Variants in ZNF831 observed in about 807,000 individuals in gnomAD.
The protein encoded by ZNF831 is zinc finger protein 831.
In ZNF831, 59 loss-of-function variants were observed where a neutral mutation model predicts 95.8. The ratio of observed to expected loss-of-function variants is 0.62; its 90% CI spans 0.50 to 0.77. The LOEUF is 0.77. Ranked by LOEUF, ZNF831 falls within the 30% of genes least tolerant of loss-of-function variation. ZNF831 has a pLI of 0.00. For synonymous variants in ZNF831, 961 were observed against 925.5 expected (o/e 1.04, Z -0.70); for missense variants, 2,205 against 2,164.0 (o/e 1.02, Z -0.38).
At chr20:59,235,272 G>A (rs1424639107) in intron 4 of ZNF831, among the ~76,000 whole-genome samples, 2 of 152,106 alleles carry the variant, frequency 1.3e-5, no homozygotes, top group African/African-American at 4.8e-5. Context: ...TGCTGACCTC[G>A]AGCACCCGGC....
intron 4 of ZNF831, among the ~76,000 whole-genome samples, chr20:59,241,102 C>A (rs1987308427): frequency 6.6e-6 from 1 of 152,138 alleles, no homozygotes; most frequent in Non-Finnish European, 1.5e-5. Flanking sequence ...GGTGTGAGGA[C>A]AAAGGAGAGA....
chr20:59,154,645 A>T (rs1980430150), intron 2 of ZNF831, among the ~76,000 whole-genome samples: 1 of 152,080 alleles, frequency 6.6e-6, no homozygotes, highest in Admixed American at 6.5e-5. Flanking sequence ...GCTCTATGTC[A>T]TCTGTCCCCG....
In ZNF831 at chr20:59,192,184, G is replaced by A. The variant is rs992393984; in HGVS notation, c.1165G>A (p.Glu389Lys). Reference sequence around the variant, plus strand: ...CCCGGGGCCAGGGGTCGCAGGGGCCGAGCCCGGGGCGCGAGAAGCCGGCCT... The same window carrying A: ...CCCGGGGCCAGGGGTCGCAGGGGCCAAGCCCGGGGCGCGAGAAGCCGGCCT... ...PGPGPGVAGA[E>K]PGAREAGLEL... The change falls in exon 2 of 6, where the codon GAG becomes AAG. Residue 389 changes from glutamate to lysine, a missense_variant. Physicochemically the swap from Glu to Lys is moderately conservative, Grantham distance 56. Coordinates refer to ENST00000371030, the MANE Select transcript of ZNF831 (RefSeq NM_178457.3). The surrounding 1 kb of genome is among the most constrained non-coding windows in gnomAD (Gnocchi z 5.2). The A allele has an allele frequency of 3.8e-6, 6 of 1,569,642 alleles. No individual in the cohort carries two copies. The highest frequency in any genetic ancestry group is 3.4e-6 in the Non-Finnish European group (4 of 1,160,346).
chr20:59,171,970 GAAGGCATAAAGA>G (rs1391965197), intron 1 of ZNF831, among the ~76,000 whole-genome samples: 2 of 152,306 alleles, frequency 1.3e-5, no homozygotes, highest in African/African-American at 4.8e-5. Context: ...GTCCCTTTGA[GAAGGCATAAAGA>G]AAGATTTACA....
intron 4 of ZNF831, among the ~76,000 whole-genome samples, chr20:59,232,916 A>G (rs1470616049): frequency 1.3e-5 from 2 of 151,598 alleles, no homozygotes; most frequent in African/African-American, 4.8e-5. Flanking sequence ...TGCTTGTAGT[A>G]TCAACTCATT....
At chr20:59,161,683 C>A (rs1467529537), upstream of ZNF831, among the ~76,000 whole-genome samples, 1 of 152,166 alleles carries the variant, frequency 6.6e-6, no homozygotes, top group Non-Finnish European at 1.5e-5. Flanking sequence ...CAGGTTGATT[C>A]CATGCCTTTG....
At chr20:59,201,847 A>T (rs1292340213) in intron 3 of ZNF831, among the ~76,000 whole-genome samples, 1 of 152,246 alleles carries the variant, frequency 6.6e-6, no homozygotes, top group African/African-American at 2.4e-5. Flanking sequence ...ACAAAGATCA[A>T]TGGAGCAAAA....
At chr20:59,138,816 T>C (rs1979588868) in intron 1 of ZNF831, among the ~76,000 whole-genome samples, 1 of 152,230 alleles carries the variant, frequency 6.6e-6, no homozygotes, top group African/African-American at 2.4e-5. Flanking sequence ...TTTATTGTTT[T>C]AGGCCACTGG....
intron 3 of ZNF831, among the ~76,000 whole-genome samples, chr20:59,203,491 T>C (rs1984673445): frequency 6.6e-6 from 1 of 152,196 alleles, no homozygotes; most frequent in Non-Finnish European, 1.5e-5. Flanking sequence ...TTGGTTTTTA[T>C]ATTTTTAAAA....
intron 4 of ZNF831, among the ~76,000 whole-genome samples, chr20:59,220,122 G>A (rs181468449): frequency 6.6e-6 from 1 of 152,258 alleles, no homozygotes; most frequent in Admixed American, 6.5e-5. Context: ...TATTTGAGTT[G>A]GAAGACCCCC....
intron 1 of ZNF831, among the ~76,000 whole-genome samples, chr20:59,166,700 T>C (rs1981298872): frequency 6.6e-6 from 1 of 152,236 alleles, no homozygotes; most frequent in East Asian, 1.9e-4. Context: ...CTTTGGGGAC[T>C]GACTTTTTTC....
Position 59,169,206 on chromosome 20 carries a change from C to G in ZNF831, c.-37+4999C>G, listed in dbSNP as rs1981532828. On this transcript the variant is annotated intron_variant, in intron 1 of 5. Transcript: ENST00000371030. This position sits in a 1 kb window ranked among gnomAD's most constrained non-coding sequence, Gnocchi z 4.1. ...GCAGGGAGCTTCAAAATTGCAAATT[C>G]AATCTGATAAATAGTTATAGTGTGA... Among the ~76,000 whole-genome samples, 1 of 152,192 alleles carries G rather than the reference C, an allele frequency of 6.6e-6. No individual in the cohort carries two copies. The highest frequency in any genetic ancestry group is 2.4e-5 in the African/African-American group (1 of 41,446).
In ZNF831 at chr20:59,148,679, C is replaced by CAAAAAAAAAAAAA. The variant is rs35635821; in HGVS notation, c.-1281+2338_-1281+2350dup. Among the ~76,000 whole-genome samples the CAAAAAAAAAAAAA allele has an allele frequency of 8.6e-4, 14 of 16,210 alleles. 3 individuals carry two copies. Among genetic ancestry groups the CAAAAAAAAAAAAA allele is most frequent in the South Asian group, 3.1e-3 (1 of 322 alleles). 10.6% of individuals were successfully genotyped at this position (16,210 alleles called of 152,430 possible). On this transcript the variant is annotated intron_variant, in intron 2 of 7. Transcript: ENST00000637017. ...TGGGCGACAGAGCGAAACTCCGTCT[C>CAAAAAAAAAAAAA]AAAAAAAAAAAAAAAAAAAAAAAAA...
intron 4 of ZNF831, among the ~76,000 whole-genome samples, chr20:59,239,373 G>A (rs1371749112): frequency 2.0e-5 from 3 of 152,064 alleles, no homozygotes; most frequent in African/African-American, 7.2e-5. Context: ...TTTAAGCTGT[G>A]TATTCTTTTG....
intron 4 of ZNF831, among the ~76,000 whole-genome samples, chr20:59,231,923 T>C (rs568501728): frequency 4.2e-4 from 64 of 152,312 alleles, no homozygotes; most frequent in African/African-American, 1.4e-3. Context: ...AAAAACACCT[T>C]GCTGTGATTT....
intron 1 of ZNF831, among the ~76,000 whole-genome samples, chr20:59,182,438 G>T (rs961252784): frequency 1.2e-4 from 19 of 152,168 alleles, no homozygotes; most frequent in Non-Finnish European, 2.6e-4. Flanking sequence ...AACTTGCTGA[G>T]CTTCACAGGG....
chr20:59,195,069 A>G (rs1983983194), intron 2 of ZNF831, among the ~76,000 whole-genome samples: 1 of 152,256 alleles, frequency 6.6e-6, no homozygotes, highest in African/African-American at 2.4e-5. Flanking sequence ...AGAAGCAAAA[A>G]GTAAAATGAA....
chr20:59,241,748 T>C lies in ZNF831; in HGVS notation c.4028-11230T>C, dbSNP rs576822552. On this transcript the variant is annotated intron_variant, in intron 4 of 5. Coordinates refer to ENST00000371030, the MANE Select transcript of ZNF831 (RefSeq NM_178457.3). ...TTGGTACCTGAATAGGATTTTATAT[T>C]ACTGAAATATTCAAATTGACTGTTC... Among the ~76,000 whole-genome samples the C allele has an allele frequency of 2.6e-5, 4 of 152,338 alleles. No homozygotes were observed. In the South Asian group the frequency reaches 8.3e-4, roughly 32 times the overall value.
rs1179938921 is a variant in ZNF831, at chr20:59,217,466, A to G, written c.4027+10410A>G. ...CAGGCAGGGTTTGCTCTAGGGAATA[A>G]CCAAGAAGAGAAATTGCTGGGTCTT... On this transcript the variant is annotated intron_variant, in intron 4 of 5. Transcript: ENST00000371030. This position sits in a 1 kb window ranked among gnomAD's most constrained non-coding sequence, Gnocchi z 4.4. Among the ~76,000 whole-genome samples, 6 of 152,362 alleles carry G rather than the reference A, an allele frequency of 3.9e-5. No homozygotes were observed. Among genetic ancestry groups the G allele is most frequent in the Admixed American group, 2.6e-4 (4 of 15,310 alleles).
Sources: gnomAD v4.1 joint callset for allele counts (sites outside exome capture counted in the v4.1 genomes callset) on GRCh38, gnomAD v4.1.1 for gene constraint, Gnocchi (gnomAD v3.1) non-coding constraint, MANE v1.5 for transcripts, NCBI Gene and HGNC (gene_info 2026-07-23, HGNC 2026-07-21) for gene names.